Variants in RIT2 observed in about 807,000 individuals in gnomAD.
The protein encoded by RIT2 is GTP-binding protein Rit2.
Under a neutral mutation model 23.7 loss-of-function variants are expected in RIT2, and 24 were observed. That is an observed-to-expected ratio of 1.01 (90% CI 0.73 to 1.43). RIT2 has a LOEUF of 1.43. Among genes scored for constraint, RIT2 ranks in the 40% most tolerant of loss-of-function variants. RIT2 has a pLI of 0.00. For missense variants in RIT2, 236 were observed against 266.9 expected (o/e 0.88, Z 0.81); for synonymous variants, 107 against 91.1 (o/e 1.17, Z -0.99).
chr18:42,820,529 G>C (rs1906118481), intron 4 of RIT2, among the ~76,000 whole-genome samples: 1 of 152,070 alleles, frequency 6.6e-6, no homozygotes, highest in Non-Finnish European at 1.5e-5. Flanking sequence ...ACCGTGGAAG[G>C]GACTGGAATG....
At chr18:42,830,914 C>T (rs575862740) in intron 4 of RIT2, among the ~76,000 whole-genome samples, 1 of 151,956 alleles carries the variant, frequency 6.6e-6, no homozygotes, top group Non-Finnish European at 1.5e-5. Flanking sequence ...TACTTTTGTC[C>T]CAAAAGTAAT....
chr18:42,788,143 G>C (rs1913963868), intron 4 of RIT2, among the ~76,000 whole-genome samples: 1 of 152,014 alleles, frequency 6.6e-6, no homozygotes, highest in Non-Finnish European at 1.5e-5. Flanking sequence ...TTGTTTAGAA[G>C]AGTGTCATTG....
intron 4 of RIT2, among the ~76,000 whole-genome samples, chr18:42,870,041 ATTGTG>A: frequency 6.6e-6 from 1 of 152,148 alleles, no homozygotes; most frequent in Non-Finnish European, 1.5e-5. Flanking sequence ...TTATCTTCTT[ATTGTG>A]CCTCACATGG....
At chr18:42,894,688 T>C (rs1184490338) in intron 4 of RIT2, among the ~76,000 whole-genome samples, 2 of 152,172 alleles carry the variant, frequency 1.3e-5, no homozygotes, top group Admixed American at 6.5e-5. Flanking sequence ...AGAGTCAAAA[T>C]TGAGACACTT....
chr18:43,000,296 A>G (rs1911073623), intron 2 of RIT2, among the ~76,000 whole-genome samples: 1 of 152,078 alleles, frequency 6.6e-6, no homozygotes, highest in Non-Finnish European at 1.5e-5. Context: ...AGAAAAATAC[A>G]TGTTCATATA....
intron 4 of RIT2, among the ~76,000 whole-genome samples, chr18:42,889,158 A>G (rs1908106080): frequency 6.6e-6 from 1 of 152,096 alleles, no homozygotes; most frequent in African/African-American, 2.4e-5. Context: ...TATCTGTTAT[A>G]TAAATAAGTT....
At chr18:42,828,409 G>A (rs1424400614) in intron 4 of RIT2, among the ~76,000 whole-genome samples, 1 of 152,180 alleles carries the variant, frequency 6.6e-6, no homozygotes, top group Non-Finnish European at 1.5e-5. Context: ...TGACTAAATT[G>A]TTTAAATTAC....
intron 2 of RIT2, among the ~76,000 whole-genome samples, chr18:42,997,627 A>G (rs1911015927): frequency 6.6e-6 from 1 of 152,078 alleles, no homozygotes; most frequent in African/African-American, 2.4e-5. Context: ...TCACCTACTC[A>G]TTCAAAAAAT....
rs71175923 is a variant in RIT2 at position 42,780,047 on chromosome 18, G to GTTTTTTTTTT, written c.427-36337_427-36328dup. Among the ~76,000 whole-genome samples the GTTTTTTTTTT allele has an allele frequency of 3.4e-4, 20 of 59,596 alleles. 5 individuals are homozygous for GTTTTTTTTTT. Among genetic ancestry groups the GTTTTTTTTTT allele is most frequent in the South Asian group, 1.7e-3 (2 of 1,172 alleles). 39.1% of individuals were successfully genotyped at this position (59,596 alleles called of 152,430 possible). A position where few individuals can be genotyped will look rare whatever the true frequency, so the allele number is the denominator to read the frequency against. On this transcript the variant is annotated intron_variant, in intron 4 of 4. Transcript: ENST00000326695. ...TGCCTAGTCAAGTCTCAATTTAGAGGTTTTTTTTTTTTTTTTTTTTTTTTT... is the reference window on the plus strand; with the variant it reads ...TGCCTAGTCAAGTCTCAATTTAGAGGTTTTTTTTTTTTTTTTTTTTTTTTTTTTTTTTTTT...
chr18:42,972,208 G>A (rs1390929073), intron 3 of RIT2, among the ~76,000 whole-genome samples: 1 of 151,832 alleles, frequency 6.6e-6, no homozygotes, highest in Non-Finnish European at 1.5e-5. Context: ...CTTCCTCTTA[G>A]ATAAGATAGC....
At chr18:43,110,781 T>A (rs937716355) in intron 1 of RIT2, among the ~76,000 whole-genome samples, 1 of 152,190 alleles carries the variant, frequency 6.6e-6, no homozygotes, top group African/African-American at 2.4e-5. Context: ...ACTGAATGTG[T>A]ATGTGTGTAT....
chr18:42,845,833 T>G (rs1465255585), intron 4 of RIT2, among the ~76,000 whole-genome samples: 4 of 151,754 alleles, frequency 2.6e-5, no homozygotes, highest in Admixed American at 6.6e-5. Flanking sequence ...CAATTAAACT[T>G]AAAAAATACT....
intron 2 of RIT2, among the ~76,000 whole-genome samples, chr18:43,024,862 G>A (rs1911675130): frequency 6.6e-6 from 1 of 151,864 alleles, no homozygotes; most frequent in South Asian, 2.1e-4. Context: ...TCAGAGGAAT[G>A]CAAATTAGAA....
rs150581378 is a variant in RIT2, at chr18:42,968,973, T to C, written c.234+5101A>G. On this transcript the variant is annotated intron_variant, in intron 3 of 4. Coordinates refer to ENST00000326695, the MANE Select transcript of RIT2 (RefSeq NM_002930.4). ...TAAGGATAATATATGAATTTGAAAA[T>C]TGGGAATGTTCTTAAAGCCTACCTT... 2.4e-3 allele frequency among the ~76,000 whole-genome samples: 359 copies of C among 152,292 alleles called. 3 individuals are homozygous for C. Among genetic ancestry groups the C allele is most frequent in the Middle Eastern group, 0.017 (5 of 294 alleles).
At chr18:42,798,029 G>T (rs1779481676) in intron 4 of RIT2, among the ~76,000 whole-genome samples, 1 of 152,100 alleles carries the variant, frequency 6.6e-6, no homozygotes, top group African/African-American at 2.4e-5. Flanking sequence ...AGATCATGAA[G>T]CTTAACTTCC....
intron 4 of RIT2, among the ~76,000 whole-genome samples, chr18:42,892,786 T>C (rs1383902519): frequency 6.6e-6 from 1 of 152,242 alleles, no homozygotes; most frequent in Non-Finnish European, 1.5e-5. Context: ...AAAGATCACC[T>C]ACTTACTCTT....
intron 2 of RIT2, among the ~76,000 whole-genome samples, chr18:43,005,849 C>G (rs1334597153): frequency 6.6e-6 from 1 of 151,686 alleles, no homozygotes; most frequent in Non-Finnish European, 1.5e-5. Flanking sequence ...AAAACTAGTA[C>G]TCATTCAAAA....
At chr18:43,021,339 C>T (rs1397987260) in intron 2 of RIT2, among the ~76,000 whole-genome samples, 1 of 152,048 alleles carries the variant, frequency 6.6e-6, no homozygotes, top group Non-Finnish European at 1.5e-5. Context: ...GAGATATTAT[C>T]TTACCCTGGT....
At chr18:43,071,888 T>G (rs1895881828) in intron 1 of RIT2, among the ~76,000 whole-genome samples, 1 of 151,862 alleles carries the variant, frequency 6.6e-6, no homozygotes, top group Non-Finnish European at 1.5e-5. Context: ...TACCTTTTTT[T>G]GTTCATTTAT....
Sources: allele counts gnomAD v4.1 joint callset (sites outside exome capture counted in the v4.1 genomes callset), GRCh38; gene constraint gnomAD v4.1.1; transcripts MANE v1.5; gene names NCBI Gene and HGNC (gene_info 2026-07-23, HGNC 2026-07-21).